Variants in FAM193A observed in about 807,000 individuals in gnomAD.
The protein encoded by FAM193A is protein FAM193A.
FAM193A carries 22 observed loss-of-function variants against 126.5 expected under a neutral mutation model. That is an observed-to-expected ratio of 0.17 (90% CI 0.12 to 0.25). FAM193A has a LOEUF of 0.25. Among genes scored for constraint, FAM193A ranks in the 10% least tolerant of loss-of-function variants. The pLI is 1.00. For missense variants in FAM193A, 1,675 were observed against 1,672.8 expected (o/e 1.00, Z -0.02); for synonymous variants, 761 against 646.8 (o/e 1.18, Z -2.68).
chr4:2,715,707 A>G (rs1010881243), intron 19 of FAM193A, among the ~76,000 whole-genome samples: 4 of 152,158 alleles, frequency 2.6e-5, no homozygotes, highest in Non-Finnish European at 4.4e-5. Flanking sequence ...TCTTCTTGCT[A>G]AAGGGCTCTC....
At chr4:2,594,735 G>GAC (rs1006961386) in intron 1 of FAM193A, among the ~76,000 whole-genome samples, 7 of 150,676 alleles carry the variant, frequency 4.6e-5, no homozygotes, top group African/African-American at 1.7e-4. Flanking sequence ...TGTCTCCCCC[G>GAC]ACACACACAC....
chr4:2,713,217 C>T (rs1360156764), intron 19 of FAM193A, among the ~76,000 whole-genome samples: 1 of 151,358 alleles, frequency 6.6e-6, no homozygotes, highest in African/African-American at 2.4e-5. Flanking sequence ...CCATCCTGGC[C>T]AACATGGTGA....
At chr4:2,675,346 G>A (rs752540367) in intron 13 of FAM193A, among the ~76,000 whole-genome samples, 37 of 152,272 alleles carry the variant, frequency 2.4e-4, no homozygotes, top group Middle Eastern at 3.4e-3. Flanking sequence ...TTCTGATTGC[G>A]TGCCCTTGAA....
At chr4:2,706,525 A>G (rs962270005) in intron 19 of FAM193A, among the ~76,000 whole-genome samples, 51 of 151,848 alleles carry the variant, frequency 3.4e-4, no homozygotes, top group African/African-American at 1.0e-3. Flanking sequence ...CAAACTCCCA[A>G]TCTCAGGTGA....
chr4:2,639,924 G>A, intron 6 of FAM193A, 65 bp downstream of exon 6: 1 of 1,517,060 alleles, frequency 6.6e-7, no homozygotes, highest in Non-Finnish European at 9.0e-7. Context: ...CCTGACTGGT[G>A]TGCGTGTACC....
At chr4:2,559,253 C>T (rs1053242084) in intron 1 of FAM193A, among the ~76,000 whole-genome samples, 4 of 152,104 alleles carry the variant, frequency 2.6e-5, no homozygotes, top group African/African-American at 9.7e-5. Context: ...ACGACAGAGC[C>T]CCTGTTTATT....
At chr4:2,651,439 TATAATC>T (rs1745654364) in intron 7 of FAM193A, among the ~76,000 whole-genome samples, 2 of 152,148 alleles carry the variant, frequency 1.3e-5, no homozygotes, top group African/African-American at 4.8e-5. Flanking sequence ...TTAGGAAACT[TATAATC>T]ATGGCGGAAG....
Position 2,696,349 on chromosome 4 carries a change from G to A in FAM193A, c.3277-14G>A. 1 of 1,576,800 alleles carries A rather than the reference G, an allele frequency of 6.3e-7. No individual in the cohort carries two copies. Among genetic ancestry groups the A allele is most frequent in the Admixed American group, 1.8e-5 (1 of 56,080 alleles). ...ATTTTTAAAACTTAAGCATAACTTT[G>A]TTGTTTTTCTCAGCCTCCAGCTGCA... On this transcript the variant is annotated splice_polypyrimidine_tract_variant and intron_variant, in intron 17 of 20. Transcript: ENST00000637812.
At chr4:2,560,104 G>A (rs550476430) in intron 1 of FAM193A, among the ~76,000 whole-genome samples, 1 of 152,010 alleles carries the variant, frequency 6.6e-6, no homozygotes, top group African/African-American at 2.4e-5. Context: ...ACCACACCCA[G>A]CTAATCTTTT....
chr4:2,583,297 G>C (rs1740056194), intron 1 of FAM193A, among the ~76,000 whole-genome samples: 1 of 152,160 alleles, frequency 6.6e-6, no homozygotes, highest in South Asian at 2.1e-4. Context: ...AGACATGTCT[G>C]GTAACCCTGG....
At position 2,623,613 on chromosome 4, in the gene FAM193A, T is replaced by G. The variant is rs191480811; in HGVS notation, c.502-1649T>G. Reference sequence around the variant, plus strand: ...CAGGCCCTTGGGAGTTTCCTTGTGCTTGGCTCAGCAGCAGACTGGGGTAGT... The same window carrying G: ...CAGGCCCTTGGGAGTTTCCTTGTGCGTGGCTCAGCAGCAGACTGGGGTAGT... On this transcript the variant is annotated intron_variant, in intron 2 of 20. Transcript: ENST00000637812. 2.8e-3 allele frequency among the ~76,000 whole-genome samples: 431 copies of G among 152,288 alleles called. 1 individual carries two copies. Among genetic ancestry groups the G allele is most frequent in the African/African-American group, 7.8e-3 (324 of 41,556 alleles).
intron 2 of FAM193A, among the ~76,000 whole-genome samples, chr4:2,614,530 T>A (rs1290230658): frequency 6.6e-6 from 1 of 152,214 alleles, no homozygotes; most frequent in East Asian, 1.9e-4. Context: ...TGTTAAGGAT[T>A]TTTGTGTCTA....
intron 13 of FAM193A, among the ~76,000 whole-genome samples, chr4:2,683,317 CAG>C (rs1482614144): frequency 2.0e-5 from 3 of 150,010 alleles, no homozygotes; most frequent in South Asian, 2.1e-4. Flanking sequence ...TTTTTTGAGA[CAG>C]AGTCTTGCTC....
chr4:2,579,591 C>T lies in FAM193A; in HGVS notation c.256-16493C>T, dbSNP rs540164032. 1.3e-3 allele frequency among the ~76,000 whole-genome samples: 204 copies of T among 151,922 alleles called. 2 individuals are homozygous for T. In the South Asian group the frequency reaches 0.031, roughly 23 times the overall value. On this transcript the variant is annotated intron_variant, in intron 1 of 20. Transcript: ENST00000637812. ...GCACTCGCCTGTGGTCCCAGTTACT[C>T]GGGAGGCTGAGGTGGAAGGATTGCT...
intron 20 of FAM193A, among the ~76,000 whole-genome samples, chr4:2,726,303 C>T (rs71608231): frequency 0.029 from 4,458 of 152,104 alleles, 90 homozygotes; most frequent in South Asian, 0.07. Context: ...GCCTTCCAAA[C>T]GTTGGGATTA....
chr4:2,602,907 G>A (rs1468884357), intron 2 of FAM193A, among the ~76,000 whole-genome samples: 18 of 141,778 alleles, frequency 1.3e-4, no homozygotes, highest in Middle Eastern at 3.9e-3. Flanking sequence ...TGATCCGCCC[G>A]CCTCGTCCTC....
chr4:2,589,238 C>T (rs1740392387), intron 1 of FAM193A, among the ~76,000 whole-genome samples: 1 of 152,134 alleles, frequency 6.6e-6, no homozygotes, highest in African/African-American at 2.4e-5. Context: ...ACTATAGTTC[C>T]AGCAAATACC....
chr4:2,705,534 A>G (rs765601711), intron 19 of FAM193A, among the ~76,000 whole-genome samples: 13 of 151,490 alleles, frequency 8.6e-5, no homozygotes, highest in Non-Finnish European at 1.8e-4. Flanking sequence ...TATGGATCCA[A>G]TTTCTCTTTT....
intron 13 of FAM193A, among the ~76,000 whole-genome samples, chr4:2,685,509 C>G (rs957005586): frequency 6.6e-6 from 1 of 152,194 alleles, no homozygotes; most frequent in African/African-American, 2.4e-5. Flanking sequence ...TTCAGCTCTT[C>G]CAGCCTGAAA....
Sources: allele counts gnomAD v4.1 joint callset (sites outside exome capture counted in the v4.1 genomes callset), GRCh38; gene constraint gnomAD v4.1.1; transcripts MANE v1.5; gene names NCBI Gene and HGNC (gene_info 2026-07-23, HGNC 2026-07-21).